SULF1: variants seen among roughly 807,000 people sequenced by gnomAD.
The protein encoded by SULF1 is sulfatase 1.
Under a neutral mutation model 110.5 loss-of-function variants are expected in SULF1, and 46 were observed. That is an observed-to-expected ratio of 0.42 (90% CI 0.33 to 0.53). The LOEUF is 0.53. Ranked by LOEUF, SULF1 falls within the 20% of genes least tolerant of loss-of-function variation. The probability of loss-of-function intolerance (pLI) is 0.12; values close to 1 mark genes in which losing one functional copy is unlikely to be tolerated. For synonymous variants in SULF1, 371 were observed against 387.1 expected (o/e 0.96, Z 0.49); for missense variants, 941 against 1,094.2 (o/e 0.86, Z 1.98).
intron 3 of SULF1, among the ~76,000 whole-genome samples, chr8:69,548,066 C>A (rs1291908327): frequency 6.6e-6 from 1 of 152,048 alleles, no homozygotes; most frequent in Non-Finnish European, 1.5e-5. Flanking sequence ...ACCGATGATG[C>A]CCCCCTACAC....
At chr8:69,474,888 A>G (rs1809236789) in intron 1 of SULF1, among the ~76,000 whole-genome samples, 1 of 152,218 alleles carries the variant, frequency 6.6e-6, no homozygotes, top group Non-Finnish European at 1.5e-5. Context: ...AGAACAGAGA[A>G]ACTGCACAAA....
At chr8:69,512,804 C>T (rs1811663546) in intron 3 of SULF1, among the ~76,000 whole-genome samples, 1 of 152,184 alleles carries the variant, frequency 6.6e-6, no homozygotes, top group African/African-American at 2.4e-5. Flanking sequence ...GCTCTTGCTT[C>T]CTCAGACATA....
At chr8:69,607,526 G>T (rs1286040118) in intron 13 of SULF1, among the ~76,000 whole-genome samples, 2 of 152,028 alleles carry the variant, frequency 1.3e-5, no homozygotes, top group African/African-American at 4.8e-5. Flanking sequence ...CACCATGCTC[G>T]ACTAATTTTT....
At position 69,593,590 on chromosome 8, in the gene SULF1, C is replaced by T. The variant is rs1586496364; in HGVS notation, c.734+4449C>T. Among the ~76,000 whole-genome samples the T allele has an allele frequency of 2.0e-5, 3 of 152,108 alleles. No individual in the cohort carries two copies. The South Asian group carries it at 6.2e-4, about 32-fold the overall frequency. ...TCCCAACAAAGAGAGGAAGCCAGTT[C>T]GCTATTGGCCTGTTAGCTTTACAAA... On this transcript the variant is annotated intron_variant, in intron 8 of 22. Transcript: ENST00000402687.
chr8:69,646,481 C>T (rs1167742267), intron 22 of SULF1, among the ~76,000 whole-genome samples: 17 of 150,582 alleles, frequency 1.1e-4, no homozygotes, highest in Admixed American at 6.6e-4. Flanking sequence ...GCTGGAGGGC[C>T]GTGGCACCAT....
rs529441614 is a variant in SULF1 at position 69,644,078 on chromosome 8, G to A, written c.2585+3237G>A. On this transcript the variant is annotated intron_variant, in intron 22 of 22. Coordinates refer to ENST00000402687, the MANE Select transcript of SULF1 (RefSeq NM_001128205.2). ...CTGATCCTTTGCTTCAAGCCTTCTG[G>A]GCTGTTAGACCACACAGAGCTCCAC... Among the ~76,000 whole-genome samples, 6 of 152,266 alleles carry A rather than the reference G, an allele frequency of 3.9e-5. No homozygotes were observed. The East Asian group carries it at 1.2e-3, about 29-fold the overall frequency.
intron 1 of SULF1, among the ~76,000 whole-genome samples, chr8:69,475,199 C>T (rs182582126): frequency 1.3e-5 from 2 of 152,198 alleles, no homozygotes; most frequent in African/African-American, 4.8e-5. Context: ...CATTTCATGT[C>T]ATAGCTAAGT....
At position 69,601,710 on chromosome 8, in the gene SULF1, C is replaced by T. The variant is rs1407998018; in HGVS notation, c.942C>T (p.Thr314=). 9.3e-6 allele frequency: 15 copies of T among 1,613,326 alleles called. No individual in the cohort carries two copies. In the East Asian group the frequency reaches 2.5e-4, roughly 26 times the overall value. The change falls in exon 10 of 23, where the codon ACC becomes ACT. Residue 314 remains threonine (T), a synonymous_variant. Coordinates refer to ENST00000402687, the MANE Select transcript of SULF1 (RefSeq NM_001128205.2). ...GELENTYIIY[T]ADHGYHIGQF... Reference sequence around the variant, plus strand: ...TGGAGAATACTTACATCATTTACACCGCCGACCATGGTTACCATATTGGGC... The same window carrying T: ...TGGAGAATACTTACATCATTTACACTGCCGACCATGGTTACCATATTGGGC...
chr8:69,494,197 G>T (rs945090429), intron 1 of SULF1, among the ~76,000 whole-genome samples: 4 of 152,158 alleles, frequency 2.6e-5, no homozygotes, highest in African/African-American at 9.7e-5. Context: ...CATTTGTAAG[G>T]CTTTATCATC....
intron 5 of SULF1, among the ~76,000 whole-genome samples, chr8:69,566,543 G>T (rs79805952): frequency 1.5e-3 from 236 of 152,302 alleles, no homozygotes; most frequent in African/African-American, 5.6e-3. Context: ...TTTCTAGCCA[G>T]ATAACATGCT....
chr8:69,555,439 C>T (rs1815047631), intron 3 of SULF1, among the ~76,000 whole-genome samples: 1 of 152,192 alleles, frequency 6.6e-6, no homozygotes, highest in African/African-American at 2.4e-5. Flanking sequence ...AGGCAGATCA[C>T]TTGAGGTCAG....
At chr8:69,609,301 G>A (rs1426930185) in intron 13 of SULF1, among the ~76,000 whole-genome samples, 3 of 152,062 alleles carry the variant, frequency 2.0e-5, no homozygotes, top group East Asian at 3.9e-4. Flanking sequence ...AGCCGTGATC[G>A]TGCCACTGCA....
chr8:69,507,244 G>T (rs1811261428), intron 3 of SULF1, among the ~76,000 whole-genome samples: 1 of 152,148 alleles, frequency 6.6e-6, no homozygotes. Flanking sequence ...ATTTTAAATG[G>T]CATACTGAAA....
chr8:69,469,985 T>C (rs1308380365), intron 1 of SULF1, among the ~76,000 whole-genome samples: 1 of 152,124 alleles, frequency 6.6e-6, no homozygotes, highest in South Asian at 2.1e-4. Context: ...GAGGTTGCAG[T>C]GAGCCGAGAT....
chr8:69,589,271 T>G, intron 8 of SULF1, 130 bp downstream of exon 8: 1 of 957,008 alleles, frequency 1.0e-6, no homozygotes, highest in Non-Finnish European at 1.5e-6. Flanking sequence ...AAAGGATAAC[T>G]TAAGAGCAGA....
chr8:69,568,783 A>G (rs1804999765), intron 5 of SULF1, among the ~76,000 whole-genome samples: 1 of 152,246 alleles, frequency 6.6e-6, no homozygotes, highest in Non-Finnish European at 1.5e-5. Context: ...GGAAGTGATC[A>G]ACATAAAGTT....
intron 19 of SULF1, among the ~76,000 whole-genome samples, chr8:69,630,271 G>A (rs966271804): frequency 1.3e-5 from 2 of 152,160 alleles, no homozygotes; most frequent in African/African-American, 4.8e-5. Context: ...ATTTTCTTTA[G>A]TGGCCTGTGC....
chr8:69,590,901 G>T (rs1806848543), intron 8 of SULF1, among the ~76,000 whole-genome samples: 1 of 152,130 alleles, frequency 6.6e-6, no homozygotes, highest in Non-Finnish European at 1.5e-5. Context: ...TCAATGAAAG[G>T]AAAAAGTCCT....
intron 5 of SULF1, among the ~76,000 whole-genome samples, chr8:69,575,581 A>G (rs1293937004): frequency 5.3e-5 from 8 of 152,114 alleles, no homozygotes; most frequent in Non-Finnish European, 8.8e-5. Flanking sequence ...TAGCAATGTC[A>G]CTAGTAGATT....
Sources: gnomAD v4.1 joint callset for allele counts (sites outside exome capture counted in the v4.1 genomes callset) on GRCh38, gnomAD v4.1.1 for gene constraint, MANE v1.5 for transcripts, NCBI Gene and HGNC (gene_info 2026-07-23, HGNC 2026-07-21) for gene names.